Variants in DNMT1 observed in about 807,000 individuals in gnomAD.
The protein encoded by DNMT1 is DNA methyltransferase 1, also known as DNA (cytosine-5)-methyltransferase 1.
Under a neutral mutation model 205.3 loss-of-function variants are expected in DNMT1, and 24 were observed. That is an observed-to-expected ratio of 0.12 (90% CI 0.08 to 0.16). The LOEUF (loss-of-function observed/expected upper bound fraction) is 0.16. DNMT1 is among the 10% of genes least tolerant of loss of function. DNMT1 has a pLI of 1.00. For synonymous variants in DNMT1, 817 were observed against 839.8 expected (o/e 0.97, Z 0.47); for missense variants, 1,293 against 2,177.7 (o/e 0.59, Z 8.09).
intron 27 of DNMT1, among the ~76,000 whole-genome samples, chr19:10,148,116 C>CAAAAAAAAAAAAA (rs35310173): frequency 3.4e-5 from 2 of 59,294 alleles, no homozygotes; most frequent in African/African-American, 7.3e-5. Context: ...AACTCTGTCT[C>CAAAAAAAAAAAAA]AAAAAAAAAA....
Position 10,165,747 on chromosome 19 carries a change from C to T in DNMT1, c.891+851G>A, listed in dbSNP as rs370974127. 2.9e-4 allele frequency among the ~76,000 whole-genome samples: 44 copies of T among 152,304 alleles called. 1 individual carries two copies. The South Asian group carries it at 7.5e-3, about 26-fold the overall frequency. ...GTGCTGGCAGTGTGAGCTCAGGCCC[C>T]TGCCAGTTTCCAATAGAGGGCAGGG... is the stretch of plus-strand genomic sequence containing the variant. On this transcript the variant is annotated intron_variant, in intron 11 of 40. Coordinates refer to ENST00000359526, the MANE Select transcript of DNMT1 (RefSeq NM_001130823.3).
rs772381854 is a variant in DNMT1, at chr19:10,146,830, G to A, written c.2721-306C>T. Among the ~76,000 whole-genome samples, 16 of 152,182 alleles carry A rather than the reference G, an allele frequency of 1.1e-4. No homozygotes were observed. Among genetic ancestry groups the A allele is most frequent in the Non-Finnish European group, 2.1e-4 (14 of 68,030 alleles). On this transcript the variant is annotated intron_variant, in intron 27 of 40. Transcript: ENST00000359526. This position sits in a 1 kb window ranked among gnomAD's most constrained non-coding sequence, Gnocchi z 4.4. Reference sequence around the variant, plus strand: ...AGAACACACCACGAGCAACAGTCCCGAGTGGCTCAGTGAGGAACTCAATCC... The same window carrying A: ...AGAACACACCACGAGCAACAGTCCCAAGTGGCTCAGTGAGGAACTCAATCC...
intron 34 of DNMT1, 121 bp downstream of exon 34, chr19:10,139,555 C>T: frequency 7.3e-6 from 11 of 1,497,240 alleles, no homozygotes; most frequent in Non-Finnish European, 9.9e-6. Flanking sequence ...ACCATGCCAG[C>T]CTCTGCTGCC....
At chr19:10,161,734 G>A (rs1003290682) in intron 13 of DNMT1, among the ~76,000 whole-genome samples, 7 of 152,182 alleles carry the variant, frequency 4.6e-5, no homozygotes, top group African/African-American at 1.4e-4. Flanking sequence ...CATATGTTAA[G>A]ACTAACCTGC....
At chr19:10,180,702 G>A in intron 3 of DNMT1, 76 bp downstream of exon 3, 1 of 1,512,636 alleles carries the variant, frequency 6.6e-7, no homozygotes, top group Non-Finnish European at 9.2e-7. Context: ...TGGGGATCTT[G>A]CTGCCTCCCT....
At chr19:10,185,342 G>A (rs1279136073) in intron 1 of DNMT1, among the ~76,000 whole-genome samples, 3 of 151,190 alleles carry the variant, frequency 2.0e-5, no homozygotes, top group East Asian at 2.0e-4. Context: ...GAAGAATGGC[G>A]TGAACCCGGG....
In DNMT1 at chr19:10,162,637, A is replaced by AAAAG. The variant is rs755404234; in HGVS notation, c.1008+26_1008+29dup. On this transcript the variant is annotated intron_variant, in intron 13 of 40. Coordinates refer to ENST00000359526, the MANE Select transcript of DNMT1 (RefSeq NM_001130823.3). The stretch of plus-strand genomic sequence containing the variant: ...GTCTTGGGGAAAAAAAAAAAAAAAA[A>AAAAG]AAAGAAAGAAAGAAAAGTGAGACCT... 1.1e-4 allele frequency: 177 copies of AAAAG among 1,557,266 alleles called. No homozygotes were observed. In the East Asian group the frequency reaches 2.9e-3, roughly 25 times the overall value.
chr19:10,163,075 C>T (rs1460548250), intron 12 of DNMT1: 7 of 573,038 alleles, frequency 1.2e-5, no homozygotes, highest in East Asian at 1.2e-4. Flanking sequence ...AGCAGTTCTG[C>T]CTCAGCCTTC....
chr19:10,149,089 C>T (rs1322583009), intron 26 of DNMT1, 72 bp from the exon 27 acceptor site: 29 of 1,589,048 alleles, frequency 1.8e-5, no homozygotes, highest in South Asian at 1.7e-4. Context: ...TATGGGAGGC[C>T]GAGGCGGGTG....
rs1599386994 is a variant in DNMT1, at chr19:10,173,093, T to C, written c.765A>G (p.Glu255=). ...CTTAGAGGTGATAGAGCTTTACTTT[T>C]TCATCTCTTTCTTCTTCCTTTTCAG... The part of the protein sequence containing the change: ...TRTEKEEERD[E]KEEKRLRSQT... The change falls in exon 9 of 41, where the codon GAA becomes GAG. Residue 255 remains glutamate, a synonymous_variant. Coordinates refer to ENST00000359526, the MANE Select transcript of DNMT1 (RefSeq NM_001130823.3). The C allele has an allele frequency of 6.2e-7, 1 of 1,614,186 alleles. No individual in the cohort carries two copies. The highest frequency in any genetic ancestry group is 8.5e-7 in the Non-Finnish European group (1 of 1,180,024).
At position 10,137,725 on chromosome 19, in the gene DNMT1, C is replaced by T; in HGVS notation, c.4293+107G>A. 6 of 1,454,348 alleles carry T rather than the reference C, an allele frequency of 4.1e-6. No individual in the cohort carries two copies. The highest frequency in any genetic ancestry group is 5.6e-6 in the Non-Finnish European group (6 of 1,062,262). The allele number at this position is 1,454,348 out of a possible 1,614,324, so 90.1% of individuals were successfully genotyped here. The stretch of plus-strand genomic sequence containing the variant: ...AGGCTGAGGACTCGGGAGGAGGAGC[C>T]TGGGATCAGATTCCATGTCTCCCCT... On this transcript the variant is annotated intron_variant, in intron 36 of 40. Transcript: ENST00000359526. This position sits in a 1 kb window ranked among gnomAD's most constrained non-coding sequence, Gnocchi z 6.4.
Position 10,138,610 on chromosome 19 carries a change from G to A in DNMT1, c.3949-5C>T, listed in dbSNP as rs773047717. The stretch of plus-strand genomic sequence containing the variant: ...GGCCACGCCGTACTGACCGGCCTGT[G>A]GGGGAGAAGGACGGACAACCCCACC... On this transcript the variant is annotated splice_polypyrimidine_tract_variant and splice_region_variant and intron_variant, in intron 34 of 40. Coordinates refer to ENST00000359526, the MANE Select transcript of DNMT1 (RefSeq NM_001130823.3). This position sits in a 1 kb window ranked among gnomAD's most constrained non-coding sequence, Gnocchi z 4.1. 6.2e-7 allele frequency: 1 copy of A among 1,601,082 alleles called. No homozygotes were observed. Among genetic ancestry groups the A allele is most frequent in the African/African-American group, 1.3e-5 (1 of 74,850 alleles).
rs73922327 is a variant in DNMT1, at chr19:10,135,325, G to A, written c.4773+411C>T. The stretch of plus-strand genomic sequence containing the variant: ...GGACACTGGTTTTTAAGCAATGCGC[G>A]TGCCCTATGATGAAAATACACTTAA... On this transcript the variant is annotated intron_variant, in intron 39 of 40. Transcript: ENST00000359526. The A allele has an allele frequency of 2.8e-3, 682 of 241,444 alleles. 7 individuals carry two copies. The highest frequency in any genetic ancestry group is 0.014 in the African/African-American group (638 of 44,588). 15.0% of individuals were successfully genotyped at this position (241,444 alleles called of 1,614,324 possible).
At position 10,175,658 on chromosome 19, in the gene DNMT1, C is replaced by T. The variant is rs553905721; in HGVS notation, c.570-40G>A. 6.1e-5 allele frequency: 98 copies of T among 1,604,082 alleles called. 3 individuals carry two copies. The South Asian group carries it at 1.1e-3, about 17-fold the overall frequency. On this transcript the variant is annotated intron_variant, in intron 6 of 40. Coordinates refer to ENST00000359526, the MANE Select transcript of DNMT1 (RefSeq NM_001130823.3). ...GAGGCCAACCATTAGTGGAACAAGA[C>T]CCTAGGCCTCCAGCTGGCCTGAAGT...
At chr19:10,139,604 A>C in intron 34 of DNMT1, 72 bp downstream of exon 34, 1 of 1,569,124 alleles carries the variant, frequency 6.4e-7, no homozygotes, top group South Asian at 1.2e-5. Flanking sequence ...TGCCTTCAGT[A>C]AGGGATGGCT....
At chr19:10,182,631 C>T (rs1157141207) in intron 1 of DNMT1, among the ~76,000 whole-genome samples, 3 of 150,378 alleles carry the variant, frequency 2.0e-5, no homozygotes, top group Non-Finnish European at 4.4e-5. Context: ...TATATATATA[C>T]ACACACATAT....
chr19:10,166,369 A>G (rs560826638), intron 11 of DNMT1, among the ~76,000 whole-genome samples: 2 of 152,256 alleles, frequency 1.3e-5, no homozygotes, highest in Admixed American at 6.5e-5. Context: ...TCTAGTGTGA[A>G]AGACAGAGGA....
Position 10,138,538 on chromosome 19 carries a change from T to C in DNMT1, c.4016A>G (p.Lys1339Arg), listed in dbSNP as rs754203974. 8.1e-6 allele frequency: 13 copies of C among 1,612,428 alleles called. No individual in the cohort carries two copies. The Admixed American group carries it at 2.2e-4, about 27-fold the overall frequency. Residue 1339 changes from lysine (K) to arginine (R), a missense_variant, in exon 35 of 41, where the codon AAG (lysine) becomes AGG (arginine). Physicochemically the swap from Lys to Arg is conservative, Grantham distance 26 (BLOSUM62 2). This residue lies in a region of DNMT1 where 148 missense variants were observed against 256.1 expected (regional missense o/e 0.58). Transcript: ENST00000359526. This position sits in a 1 kb window ranked among gnomAD's most constrained non-coding sequence, Gnocchi z 4.1. ...CAGTGGCTCCGGGAACAGAGGGAGC[T>C]TCTCTCCAGGGGCCGCGGCCAGGAT... ...AIILAAAPGE[K>R]LPLFPEPLHV...
chr19:10,171,054 C>T (rs1201417981), intron 9 of DNMT1, among the ~76,000 whole-genome samples: 1 of 152,040 alleles, frequency 6.6e-6, no homozygotes, highest in Non-Finnish European at 1.5e-5. Flanking sequence ...GCGATCCACC[C>T]ACCTCGGCCT....
Sources: allele counts gnomAD v4.1 joint callset (sites outside exome capture counted in the v4.1 genomes callset), GRCh38; gene constraint gnomAD v4.1.1; regional missense constraint gnomAD v4.1.1; non-coding constraint Gnocchi (gnomAD v3.1); transcripts MANE v1.5; gene names NCBI Gene and HGNC (gene_info 2026-07-23, HGNC 2026-07-21).